CSMD1: variants seen among roughly 807,000 people sequenced by gnomAD.
The protein encoded by CSMD1 is CUB and Sushi multiple domains 1, also known as CUB and sushi domain-containing protein 1.
In CSMD1, 213 loss-of-function variants were observed where a neutral mutation model predicts 417.5. The observed-to-expected ratio is 0.51, with a 90% CI of 0.46 to 0.57. CSMD1 has a LOEUF of 0.57. CSMD1 is among the 20% of genes least tolerant of loss of function. CSMD1 has a pLI of 0.00. For synonymous variants in CSMD1, 2,862 were observed against 1,736.8 expected, an observed-to-expected ratio of 1.65 and a Z score of -16.11; for missense variants, 6,923 against 4,529.7, an observed-to-expected ratio of 1.53 and a Z score of -15.17.
chr8:4,966,073 A>G (rs1278820991), intron 1 of CSMD1, among the ~76,000 whole-genome samples: 1 of 152,014 alleles, frequency 6.6e-6, no homozygotes, highest in Non-Finnish European at 1.5e-5. Context: ...TCGAATTGAA[A>G]GAGTTCCAGG....
chr8:3,562,847 A>T (rs10866954), intron 10 of CSMD1, among the ~76,000 whole-genome samples: 63,809 of 151,700 alleles, frequency 0.42, 13,776 homozygotes, highest in Non-Finnish European at 0.47. Flanking sequence ...GTGATGAAAT[A>T]ATCTGTACAA....
rs181394512 is a variant in CSMD1, at chr8:3,870,054, G to A, written c.819-116012C>T. ...GTAGGCGTCTCTTCATTGCTTAACT[G>A]TAAGCATACCCTCTGGGTATAATGA... On this transcript the variant is annotated intron_variant, in intron 5 of 69. Transcript: ENST00000635120. Among the ~76,000 whole-genome samples, 186 of 152,232 alleles carry A rather than the reference G, an allele frequency of 1.2e-3. 1 individual carries two copies. Among genetic ancestry groups the A allele is most frequent in the African/African-American group, 4.3e-3 (179 of 41,546 alleles).
chr8:3,435,084 C>A (rs1458328192), intron 12 of CSMD1, among the ~76,000 whole-genome samples: 1 of 152,092 alleles, frequency 6.6e-6, no homozygotes, highest in East Asian at 1.9e-4. Context: ...CTTTGGCAAT[C>A]CATGGAAGAG....
intron 3 of CSMD1, among the ~76,000 whole-genome samples, chr8:4,398,661 C>G (rs747593849): frequency 2.0e-5 from 3 of 152,108 alleles, no homozygotes; most frequent in Non-Finnish European, 4.4e-5. Context: ...TCCCAAAGTG[C>G]TGGGATTACA....
At chr8:3,694,920 G>C (rs535052079) in intron 7 of CSMD1, among the ~76,000 whole-genome samples, 8 of 152,194 alleles carry the variant, frequency 5.3e-5, no homozygotes, top group Non-Finnish European at 7.4e-5. Flanking sequence ...CACATCATTA[G>C]CACCACGTGT....
At chr8:4,098,110 G>C (rs893796741) in intron 3 of CSMD1, among the ~76,000 whole-genome samples, 2 of 152,268 alleles carry the variant, frequency 1.3e-5, no homozygotes, top group South Asian at 2.1e-4. Context: ...GCTGAATTAA[G>C]ATGATCTTTC....
intron 26 of CSMD1, among the ~76,000 whole-genome samples, chr8:3,243,546 G>A (rs1563179173): frequency 6.6e-6 from 1 of 152,026 alleles, no homozygotes; most frequent in African/African-American, 2.4e-5. Context: ...GGATGAGCCA[G>A]GAGAAGGAAT....
chr8:4,699,414 T>G (rs1249487908), intron 1 of CSMD1, among the ~76,000 whole-genome samples: 3 of 152,176 alleles, frequency 2.0e-5, no homozygotes, highest in African/African-American at 7.2e-5. Flanking sequence ...CATCTTTTAA[T>G]GCCTGTTCTA....
chr8:3,802,027 T>C (rs1168302090), intron 5 of CSMD1, among the ~76,000 whole-genome samples: 1 of 152,174 alleles, frequency 6.6e-6, no homozygotes, highest in Non-Finnish European at 1.5e-5. Context: ...TGCACGATGA[T>C]GTAAGCATAC....
chr8:2,946,487 A>G (rs377200352), intron 68 of CSMD1, among the ~76,000 whole-genome samples: 9 of 152,098 alleles, frequency 5.9e-5, no homozygotes, highest in African/African-American at 1.9e-4. Context: ...GGATTCATAG[A>G]CTATTTGGCC....
At chr8:3,755,398 G>C (rs1241364148) in intron 5 of CSMD1, among the ~76,000 whole-genome samples, 1 of 152,230 alleles carries the variant, frequency 6.6e-6, no homozygotes, top group African/African-American at 2.4e-5. Context: ...ACAAGTGGTT[G>C]TGCACTGAAT....
chr8:3,476,777 G>A (rs1391143775), intron 11 of CSMD1, among the ~76,000 whole-genome samples: 5 of 152,122 alleles, frequency 3.3e-5, no homozygotes, highest in South Asian at 4.2e-4. Flanking sequence ...CATTAGCCAG[G>A]CTTGGTGGCA....
chr8:4,246,643 T>C lies in CSMD1; in HGVS notation c.415+173310A>G, dbSNP rs1052085906. Reference sequence around the variant, plus strand: ...TTCAGCAGAAATGAATTTCTGCAAATGCTGAGGCAAGCAAAAGAAACAAAA... The same window carrying C: ...TTCAGCAGAAATGAATTTCTGCAAACGCTGAGGCAAGCAAAAGAAACAAAA... On this transcript the variant is annotated intron_variant, in intron 3 of 69. Transcript: ENST00000635120. 3.3e-5 allele frequency among the ~76,000 whole-genome samples: 5 copies of C among 152,326 alleles called. 1 individual carries two copies. Among genetic ancestry groups the C allele is most frequent in the Non-Finnish European group, 7.4e-5 (5 of 68,026 alleles).
At chr8:4,432,890 A>C (rs1797946812) in intron 2 of CSMD1, among the ~76,000 whole-genome samples, 1 of 152,204 alleles carries the variant, frequency 6.6e-6, no homozygotes, top group Non-Finnish European at 1.5e-5. Context: ...GCTGCCCATC[A>C]AGGGGTGAGC....
chr8:3,789,988 C>T (rs534270652), intron 5 of CSMD1, among the ~76,000 whole-genome samples: 2 of 152,116 alleles, frequency 1.3e-5, no homozygotes, highest in African/African-American at 4.8e-5. Context: ...ACCTCGGCCT[C>T]CCAAAGTGCT....
chr8:3,819,516 A>G (rs1376417918), intron 5 of CSMD1, among the ~76,000 whole-genome samples: 1 of 146,758 alleles, frequency 6.8e-6, no homozygotes, highest in Admixed American at 6.9e-5. Context: ...CTGGAGCTCA[A>G]AAGCGAAGGT....
At chr8:4,080,295 G>T (rs763385172) in intron 3 of CSMD1, among the ~76,000 whole-genome samples, 2 of 152,148 alleles carry the variant, frequency 1.3e-5, no homozygotes, top group Admixed American at 6.5e-5. Flanking sequence ...CACGGTTACA[G>T]TGTACCTAAG....
intron 10 of CSMD1, among the ~76,000 whole-genome samples, chr8:3,573,166 A>G (rs1452248887): frequency 6.6e-6 from 1 of 152,226 alleles, no homozygotes; most frequent in African/African-American, 2.4e-5. Flanking sequence ...AGATAATGAT[A>G]TTACATTTAC....
Position 4,303,946 on chromosome 8 carries a change from C to G in CSMD1, c.415+116007G>C, listed in dbSNP as rs574936966. ...TTTCTAAAGAAAGGATAAGCTCCAG[C>G]TGCCACTTTTCCCTCTTCCTTTTGC... On this transcript the variant is annotated intron_variant, in intron 3 of 69. Transcript: ENST00000635120. Among the ~76,000 whole-genome samples the G allele has an allele frequency of 3.3e-5, 5 of 152,286 alleles. No homozygotes were observed. In the South Asian group the frequency reaches 6.2e-4, roughly 19 times the overall value.
Sources: allele counts gnomAD v4.1 joint callset (sites outside exome capture counted in the v4.1 genomes callset), GRCh38; gene constraint gnomAD v4.1.1; transcripts MANE v1.5; gene names NCBI Gene and HGNC (gene_info 2026-07-23, HGNC 2026-07-21).